Variants in TSPAN5 observed in about 807,000 individuals in gnomAD.
TSPAN5 encodes the protein tetraspanin-5.
A neutral mutation model predicts 37.1 loss-of-function variants in TSPAN5; 10 were observed. The ratio of observed to expected loss-of-function variants is 0.27; its 90% CI spans 0.17 to 0.46. The LOEUF (loss-of-function observed/expected upper bound fraction) is 0.46. Ranked by LOEUF, TSPAN5 falls within the 20% of genes least tolerant of loss-of-function variation. The pLI is 1.00. For synonymous variants in TSPAN5, 110 were observed against 118.9 expected, an observed-to-expected ratio of 0.93 and a Z score of 0.48; for missense variants, 195 against 326.6, an observed-to-expected ratio of 0.60 and a Z score of 3.11.
intron 1 of TSPAN5, among the ~76,000 whole-genome samples, chr4:98,565,118 C>T (rs529412830): frequency 1.3e-5 from 2 of 152,134 alleles, no homozygotes; most frequent in Non-Finnish European, 1.5e-5. Context: ...GGATCCTGCA[C>T]AATATGGCTC....
chr4:98,640,455 G>T (rs1350895984), intron 1 of TSPAN5, among the ~76,000 whole-genome samples: 1 of 152,158 alleles, frequency 6.6e-6, no homozygotes, highest in African/African-American at 2.4e-5. Flanking sequence ...AACAAAACAG[G>T]TAGGTCTGTG....
chr4:98,506,787 G>A (rs1224061139), intron 2 of TSPAN5, among the ~76,000 whole-genome samples: 5 of 152,106 alleles, frequency 3.3e-5, no homozygotes, highest in Admixed American at 6.5e-5. Flanking sequence ...TTGTCCTTAC[G>A]TGGGAGATAA....
chr4:98,577,691 A>G (rs1464888852), intron 1 of TSPAN5, among the ~76,000 whole-genome samples: 1 of 152,224 alleles, frequency 6.6e-6, no homozygotes, highest in East Asian at 1.9e-4. Context: ...GCAATGTCAC[A>G]TGGCCTTTAG....
At chr4:98,544,615 T>C (rs1754429119) in intron 1 of TSPAN5, among the ~76,000 whole-genome samples, 1 of 152,178 alleles carries the variant, frequency 6.6e-6, no homozygotes, top group African/African-American at 2.4e-5. Context: ...TGTATTTTGC[T>C]GTTCATAACG....
At chr4:98,622,084 C>A (rs1379398839) in intron 1 of TSPAN5, among the ~76,000 whole-genome samples, 1 of 152,086 alleles carries the variant, frequency 6.6e-6, no homozygotes, top group Non-Finnish European at 1.5e-5. Flanking sequence ...ACATTATGCA[C>A]ACTTTCTTTT....
chr4:98,525,427 CTGAG>C (rs1280186291), intron 1 of TSPAN5, among the ~76,000 whole-genome samples: 2 of 152,284 alleles, frequency 1.3e-5, no homozygotes, highest in Admixed American at 1.3e-4. Flanking sequence ...CGGTCCCTGT[CTGAG>C]TGAGTGTGGA....
chr4:98,579,609 T>C (rs1198876497), intron 1 of TSPAN5, among the ~76,000 whole-genome samples: 2 of 152,236 alleles, frequency 1.3e-5, no homozygotes, highest in East Asian at 3.8e-4. Flanking sequence ...AATTGTAAGA[T>C]AACAAGGCAG....
intron 1 of TSPAN5, among the ~76,000 whole-genome samples, chr4:98,600,264 T>C (rs768338276): frequency 5.9e-5 from 9 of 152,162 alleles, no homozygotes; most frequent in Non-Finnish European, 1.2e-4. Context: ...ATGACGGTGG[T>C]GGCGCTGAAG....
At chr4:98,520,445 T>C (rs757110437) in intron 1 of TSPAN5, among the ~76,000 whole-genome samples, 4 of 152,138 alleles carry the variant, frequency 2.6e-5, no homozygotes, top group Non-Finnish European at 5.9e-5. Context: ...AAAAAGGAAC[T>C]CAGGACTGGC....
At chr4:98,583,800 G>A (rs757472855) in intron 1 of TSPAN5, among the ~76,000 whole-genome samples, 2 of 152,210 alleles carry the variant, frequency 1.3e-5, no homozygotes, top group African/African-American at 4.8e-5. Context: ...GTGAGAGAAC[G>A]CATGTAAAGT....
intron 1 of TSPAN5, among the ~76,000 whole-genome samples, chr4:98,533,954 A>AAAAAAAAAAAAAAAAAAAAAC (rs1754171142): frequency 6.9e-6 from 1 of 145,208 alleles, no homozygotes; most frequent in Non-Finnish European, 1.5e-5. Context: ...AAAAAAAAAA[A>AAAAAAAAAAAAAAAAAAAAAC]AAAAAAAACC....
At chr4:98,565,928 A>G (rs1039030996) in intron 1 of TSPAN5, among the ~76,000 whole-genome samples, 1 of 152,230 alleles carries the variant, frequency 6.6e-6, no homozygotes, top group Non-Finnish European at 1.5e-5. Flanking sequence ...GCAGGCACAG[A>G]TCATGAAGCA....
chr4:98,505,145 T>C (rs72893011), intron 2 of TSPAN5, among the ~76,000 whole-genome samples: 1,544 of 152,174 alleles, frequency 0.01, 25 homozygotes, highest in African/African-American at 0.035. Context: ...CATATGAATT[T>C]GGCAGGGTGG....
chr4:98,518,807 G>A (rs116657070), intron 1 of TSPAN5, among the ~76,000 whole-genome samples: 2,107 of 152,332 alleles, frequency 0.014, 28 homozygotes, highest in African/African-American at 0.033. Context: ...GGCCCAGCAA[G>A]TTCTGTCTTC....
chr4:98,651,818 T>C (rs1757191725), intron 1 of TSPAN5, among the ~76,000 whole-genome samples: 2 of 151,882 alleles, frequency 1.3e-5, no homozygotes, highest in South Asian at 4.2e-4. Flanking sequence ...GAGGAGATGA[T>C]TCCTACGTAC....
At chr4:98,628,251 T>C (rs1306521243) in intron 1 of TSPAN5, among the ~76,000 whole-genome samples, 1 of 152,056 alleles carries the variant, frequency 6.6e-6, no homozygotes, top group Non-Finnish European at 1.5e-5. Flanking sequence ...TCTAGACTAG[T>C]GTTTGTGGGG....
chr4:98,476,523 T>C (rs952801790), intron 5 of TSPAN5, 63 bp from the exon 6 acceptor site: 3 of 1,513,882 alleles, frequency 2.0e-6, no homozygotes, highest in Non-Finnish European at 2.7e-6. Flanking sequence ...CACCTAGAAA[T>C]GAGCAGAAGA....
chr4:98,532,217 A>G (rs1434093377), intron 1 of TSPAN5, among the ~76,000 whole-genome samples: 2 of 152,142 alleles, frequency 1.3e-5, no homozygotes, highest in African/African-American at 2.4e-5. Flanking sequence ...GTTTTTTCCA[A>G]TTCTGTGAAG....
At chr4:98,535,435 C>A (rs956978674) in intron 1 of TSPAN5, among the ~76,000 whole-genome samples, 25 of 152,302 alleles carry the variant, frequency 1.6e-4, no homozygotes, top group Middle Eastern at 3.4e-3. Context: ...TTGTGGGTAA[C>A]CTGACCTTTC....
Sources: allele counts gnomAD v4.1 joint callset (sites outside exome capture counted in the v4.1 genomes callset), GRCh38; gene constraint gnomAD v4.1.1; transcripts MANE v1.5; gene names NCBI Gene and HGNC (gene_info 2026-07-23, HGNC 2026-07-21).